GEN1: variants seen among roughly 807,000 people sequenced by gnomAD.
GEN1 encodes flap endonuclease GEN homolog 1.
In GEN1, 64 loss-of-function variants were observed where a neutral mutation model predicts 67.6. The ratio of observed to expected loss-of-function variants is 0.95; its 90% confidence interval spans 0.77 to 1.17. The LOEUF (loss-of-function observed/expected upper bound fraction) is 1.17. Among genes scored for constraint, GEN1 ranks in the 50% most tolerant of loss-of-function variants. GEN1 has a pLI of 0.00. For synonymous variants in GEN1, 371 were observed against 359.4 expected (o/e 1.03, Z -0.37); for missense variants, 1,058 against 1,048.3 (o/e 1.01, Z -0.13).
intron 5 of GEN1, among the ~76,000 whole-genome samples, chr2:17,768,247 A>G (rs1672021671): frequency 6.6e-6 from 1 of 152,204 alleles, no homozygotes; most frequent in Non-Finnish European, 1.5e-5. Context: ...GGAAATTCAC[A>G]CTTTAAATTT....
intron 12 of GEN1, among the ~76,000 whole-genome samples, chr2:17,778,443 C>T (rs79527840): frequency 0.065 from 2,444 of 37,804 alleles, 383 homozygotes; most frequent in East Asian, 0.44. Flanking sequence ...TATACACACA[C>T]ATATATGTGT....
In GEN1 at chr2:17,774,399, T is replaced by A; in HGVS notation, c.1200T>A (p.Ile400=). 6.3e-7 allele frequency: 1 copy of A among 1,599,426 alleles called. No individual in the cohort carries two copies. Residue 400 remains isoleucine, a splice_region_variant and synonymous_variant, in exon 11 of 14, where the codon ATT becomes ATA. Transcript: ENST00000381254. Reference sequence around the variant, plus strand: ...GAAACTCTAATCAACTACAGCCAATTCGGTAATGTAAAGAACTGTATGGTG... The same window carrying A: ...GAAACTCTAATCAACTACAGCCAATACGGTAATGTAAAGAACTGTATGGTG... ...GSRNSNQLQP[I]RIVKTRIRNG...
chr2:17,788,608 AC>A lies in GEN1; in HGVS notation c.*6671del, dbSNP rs961457012. Reference sequence around the variant, plus strand: ...ATTCCAAGACCCAAAAAGGAAAATAACCTCCCCAAATGGTAAAAACTGCTTG... The same window carrying A: ...ATTCCAAGACCCAAAAAGGAAAATAACTCCCCAAATGGTAAAAACTGCTTG... On this transcript the variant is annotated 3_prime_UTR_variant, in exon 14 of 14. Transcript: ENST00000381254. The A allele has an allele frequency of 2.0e-5, 3 of 152,132 alleles. No individual in the cohort carries two copies. Among genetic ancestry groups the A allele is most frequent in the Admixed American group, 2.0e-4 (3 of 15,272 alleles). 9.4% of individuals were successfully genotyped at this position (152,132 alleles called of 1,614,324 possible).
chr2:17,756,854 C>G (rs1671455331), intron 1 of GEN1, among the ~76,000 whole-genome samples: 1 of 152,206 alleles, frequency 6.6e-6, no homozygotes, highest in African/African-American at 2.4e-5. Context: ...ATCTTAGAAG[C>G]TATTGCATTC....
chr2:17,762,818 C>T (rs1671750245), intron 3 of GEN1, among the ~76,000 whole-genome samples: 1 of 152,078 alleles, frequency 6.6e-6, no homozygotes, highest in African/African-American at 2.4e-5. Flanking sequence ...ATTGATGGGT[C>T]AAAGTTTTGG....
intron 1 of GEN1, 150 bp from the exon 2 acceptor site, chr2:17,759,779 C>A (rs1244395049): frequency 1.7e-6 from 1 of 587,162 alleles, no homozygotes; most frequent in Non-Finnish European, 2.8e-6. Context: ...TTCAGGTGTT[C>A]TTAATTCATT....
intron 1 of GEN1, among the ~76,000 whole-genome samples, chr2:17,757,502 C>T (rs1228762177): frequency 6.6e-6 from 1 of 152,022 alleles, no homozygotes; most frequent in Admixed American, 6.6e-5. Context: ...GCAATCTTCA[C>T]TACTATTCAT....
At chr2:17,753,777 C>T (rs909507703), upstream of GEN1, 2 of 152,236 alleles carry the variant, frequency 1.3e-5, no homozygotes, top group South Asian at 2.1e-4. Flanking sequence ...AAGGTAGATT[C>T]CCGGGAGCCC....
At position 17,759,994 on chromosome 2, in the gene GEN1, C is replaced by T; in HGVS notation, c.51C>T (p.Ile17=). 4 of 1,613,984 alleles carry T rather than the reference C, an allele frequency of 2.5e-6. No individual in the cohort carries two copies. Among genetic ancestry groups the T allele is most frequent in the South Asian group, 1.1e-5 (1 of 91,060 alleles). Reference sequence around the variant, plus strand: ...TTTTGGAGCCTGTTAAGCAACACATCCCCTTGCGTAATCTTGGTGGGAAAA... The same window carrying T: ...TTTTGGAGCCTGTTAAGCAACACATTCCCTTGCGTAATCTTGGTGGGAAAA... ...WQILEPVKQH[I]PLRNLGGKTI... is the part of the protein sequence containing the mutation. The change falls in exon 2 of 14, where the codon ATC becomes ATT. Residue 17 remains isoleucine (I), a synonymous_variant. Transcript: ENST00000381254.
At chr2:17,769,012 G>A (rs565578750) in intron 6 of GEN1, among the ~76,000 whole-genome samples, 4 of 151,946 alleles carry the variant, frequency 2.6e-5, no homozygotes, top group South Asian at 2.1e-4. Flanking sequence ...GTTCCAAGCC[G>A]TATTGCATTT....
rs1558396092 is a variant in GEN1 at position 17,761,409 on chromosome 2, CG to C, written c.176del (p.Arg59LeufsTer5). On this transcript the variant is annotated frameshift_variant, in exon 3 of 14. Transcript: ENST00000381254. LOFTEE classifies it high-confidence loss of function. The part of the protein sequence containing the change: ...MKPHLRNLFF[R>X]ISYLTQMDVK... ...TATATATTTCAGGAACTTATTTTTT[CG>C]TATCTCATATTTAACACAAATGGAT... is the stretch of plus-strand genomic sequence containing the variant. 1 of 1,571,152 alleles carries C rather than the reference CG, an allele frequency of 6.4e-7. No homozygotes were observed. Among genetic ancestry groups the C allele is most frequent in the Admixed American group, 1.8e-5 (1 of 55,930 alleles).
intron 13 of GEN1, 74 bp from the exon 14 acceptor site, chr2:17,780,543 CTGTT>C (rs780770452): frequency 6.5e-6 from 6 of 926,608 alleles, no homozygotes; most frequent in Non-Finnish European, 8.1e-6. Context: ...TCTCTCTGAA[CTGTT>C]TATTTTTTTA....
chr2:17,759,640 T>C (rs947526073), intron 1 of GEN1, among the ~76,000 whole-genome samples: 3 of 152,120 alleles, frequency 2.0e-5, no homozygotes, highest in Non-Finnish European at 4.4e-5. Context: ...TCTCTAAGTA[T>C]GTAAATCAAG....
Position 17,783,044 on chromosome 2 carries a change from A to G in GEN1, c.*1105A>G, listed in dbSNP as rs536771365. 4 of 152,228 alleles carry G rather than the reference A, an allele frequency of 2.6e-5. No individual in the cohort carries two copies. Among genetic ancestry groups the G allele is most frequent in the Non-Finnish European group, 4.4e-5 (3 of 68,004 alleles). 9.4% of individuals were successfully genotyped at this position (152,228 alleles called of 1,614,324 possible). On this transcript the variant is annotated 3_prime_UTR_variant, in exon 14 of 14. Coordinates refer to ENST00000381254, the MANE Select transcript of GEN1 (RefSeq NM_001130009.3). ...AATACAAGACCAATGTGCAATGATCATTGCATTTTGTTTTTGTTTGTTTGT... is the reference window on the plus strand; with the variant it reads ...AATACAAGACCAATGTGCAATGATCGTTGCATTTTGTTTTTGTTTGTTTGT...
At position 17,772,745 on chromosome 2, in the gene GEN1, A is replaced by G; in HGVS notation, c.914A>G (p.His305Arg). The change falls in exon 8 of 14, where the codon CAT becomes CGT. Residue 305 changes from histidine (H) to arginine (R), a missense_variant. Transcript: ENST00000381254. ...CCPCEWHRTE[H>R]DRQLSEVENN... Reference sequence around the variant, plus strand: ...CCTTGTGAGTGGCACCGTACAGAACATGATAGGCAACTCAGTGAAGTAGAG... The same window carrying G: ...CCTTGTGAGTGGCACCGTACAGAACGTGATAGGCAACTCAGTGAAGTAGAG... 6.2e-7 allele frequency: 1 copy of G among 1,611,156 alleles called. No individual in the cohort carries two copies. The highest frequency in any genetic ancestry group is 8.5e-7 in the Non-Finnish European group (1 of 1,178,488).
rs763189817 is a variant in GEN1 at position 17,781,217 on chromosome 2, C to G, written c.2005C>G (p.Leu669Val). The change falls in exon 14 of 14, where the codon CTT becomes GTT. Residue 669 changes from leucine to valine, a missense_variant. Physicochemically the swap from Leu to Val is conservative, Grantham distance 32. Coordinates refer to ENST00000381254, the MANE Select transcript of GEN1 (RefSeq NM_001130009.3). ...HLLSGITDLC[L>V]QDLPLKERIF... is the part of the protein sequence containing the mutation. ...ACTTTCTGGCATTACTGATTTATGT[C>G]TTCAGGATTTGCCTTTAAAGGAACG... The G allele has an allele frequency of 1.2e-6, 2 of 1,613,232 alleles. No individual in the cohort carries two copies. The highest frequency in any genetic ancestry group is 1.7e-5 in the Admixed American group (1 of 59,980).
At chr2:17,767,195 G>A (rs1018302945) in intron 5 of GEN1, among the ~76,000 whole-genome samples, 2 of 152,186 alleles carry the variant, frequency 1.3e-5, no homozygotes, top group Non-Finnish European at 1.5e-5. Flanking sequence ...ATCTTAAGAT[G>A]CACAATCTAG....
Position 17,761,452 on chromosome 2 carries a change from T to G in GEN1, c.218T>G (p.Val73Gly), listed in dbSNP as rs1671673750. ...LTQMDVKLVFVMEGEPPKLKA... is the reference protein window; with the variant it reads ...LTQMDVKLVFGMEGEPPKLKA... ...CAAATGGATGTAAAACTGGTATTTG[T>G]TATGGAAGGGGAACCACCAAAGCTG... The change falls in exon 3 of 14, where the codon GTT becomes GGT. Residue 73 changes from valine to glycine, a missense_variant. Physicochemically the swap from Val to Gly is moderately radical, Grantham distance 109. Coordinates refer to ENST00000381254, the MANE Select transcript of GEN1 (RefSeq NM_001130009.3). 3 of 1,612,344 alleles carry G rather than the reference T, an allele frequency of 1.9e-6. No homozygotes were observed. The East Asian group carries it at 6.7e-5, about 36-fold the overall frequency.
At chr2:17,763,721 T>C (rs1351887167) in intron 3 of GEN1, among the ~76,000 whole-genome samples, 1 of 152,244 alleles carries the variant, frequency 6.6e-6, no homozygotes, top group African/African-American at 2.4e-5. Flanking sequence ...AACTGTATTA[T>C]GAAAGGCTAT....
Sources: allele counts gnomAD v4.1 joint callset (sites outside exome capture counted in the v4.1 genomes callset), GRCh38; gene constraint gnomAD v4.1.1; transcripts MANE v1.5; gene names NCBI Gene and HGNC (gene_info 2026-07-23, HGNC 2026-07-21).